Variants in CNTNAP2 observed in about 807,000 individuals in gnomAD.
CNTNAP2 encodes contactin associated protein 2.
In CNTNAP2, 98 loss-of-function variants were observed where a neutral mutation model predicts 155.2. That is an observed-to-expected ratio of 0.63 (90% CI 0.54 to 0.75). The LOEUF (loss-of-function observed/expected upper bound fraction) is 0.75, where lower values mean the gene tolerates loss of function less well. CNTNAP2 is among the 30% of genes least tolerant of loss of function. The probability of loss-of-function intolerance (pLI) is 0.00; values close to 1 mark genes in which losing one functional copy is unlikely to be tolerated. For synonymous variants in CNTNAP2, 651 were observed against 631.2 expected (o/e 1.03, Z -0.47); for missense variants, 1,727 against 1,688.1 (o/e 1.02, Z -0.40).
chr7:146,276,907 T>C (rs982579422), intron 1 of CNTNAP2, among the ~76,000 whole-genome samples: 8 of 152,204 alleles, frequency 5.3e-5, no homozygotes, highest in African/African-American at 1.7e-4. Context: ...GTGGTTTGAA[T>C]GGTGGCCCCC....
At chr7:148,370,484 C>A (rs557991456) in intron 21 of CNTNAP2, among the ~76,000 whole-genome samples, 1 of 152,298 alleles carries the variant, frequency 6.6e-6, no homozygotes, top group Non-Finnish European at 1.5e-5. Flanking sequence ...AACAAAAGGT[C>A]ATTCAACCCC....
intron 3 of CNTNAP2, among the ~76,000 whole-genome samples, chr7:146,885,002 T>C (rs924121185): frequency 6.6e-6 from 1 of 152,070 alleles, no homozygotes; most frequent in African/African-American, 2.4e-5. Context: ...TCAATGGTGG[T>C]CTAATGAAAT....
In CNTNAP2 at chr7:147,641,964, A is replaced by C. The variant is rs74747168; in HGVS notation, c.2098+2658A>C. The stretch of plus-strand genomic sequence containing the variant: ...TAGAGACCATGCTGAGAACCAGCAC[A>C]ACTCTTTTTTCTGTTCACTTTCACT... On this transcript the variant is annotated intron_variant, in intron 13 of 23. Transcript: ENST00000361727. Among the ~76,000 whole-genome samples the C allele has an allele frequency of 8.3e-3, 1,258 of 152,020 alleles. 10 individuals carry two copies. Among genetic ancestry groups the C allele is most frequent in the Non-Finnish European group, 0.014 (925 of 67,924 alleles).
At chr7:147,529,543 T>G (rs1270771949) in intron 11 of CNTNAP2, among the ~76,000 whole-genome samples, 1 of 152,168 alleles carries the variant, frequency 6.6e-6, no homozygotes, top group Admixed American at 6.5e-5. Context: ...CAATGCTGTT[T>G]TTTTTTTGGT....
At chr7:146,429,494 A>G (rs1465509562) in intron 1 of CNTNAP2, among the ~76,000 whole-genome samples, 1 of 151,986 alleles carries the variant, frequency 6.6e-6, no homozygotes, top group Non-Finnish European at 1.5e-5. Context: ...GGCAGTTGTG[A>G]ACGGGAGTTC....
chr7:148,144,055 G>A (rs1041497289), intron 16 of CNTNAP2, among the ~76,000 whole-genome samples: 5 of 152,116 alleles, frequency 3.3e-5, no homozygotes, highest in African/African-American at 1.2e-4. Flanking sequence ...GGCAAAATCC[G>A]GTTAGCTCAC....
intron 13 of CNTNAP2, among the ~76,000 whole-genome samples, chr7:147,738,113 G>A (rs28856359): frequency 0.055 from 8,424 of 152,098 alleles, 752 homozygotes; most frequent in African/African-American, 0.19. Flanking sequence ...TGTCACTTAC[G>A]CTGGGAGCTG....
chr7:148,236,658 TAAAGAAA>T (rs1236056487), intron 20 of CNTNAP2, among the ~76,000 whole-genome samples: 8 of 152,186 alleles, frequency 5.3e-5, no homozygotes, highest in African/African-American at 1.9e-4. Context: ...TGCACTGCTA[TAAAGAAA>T]TACCTGAGAC....
rs1347393125 is a variant in CNTNAP2 at position 147,981,070 on chromosome 7, G to A, written c.2383+3081G>A. ...CACACAGCCTCCTGTGAATTGGGCA[G>A]GGCAAATATTAGTCTTTCTGCCTTA... is the stretch of plus-strand genomic sequence containing the variant. On this transcript the variant is annotated intron_variant, in intron 15 of 23. Coordinates refer to ENST00000361727, the MANE Select transcript of CNTNAP2 (RefSeq NM_014141.6). Among the ~76,000 whole-genome samples the A allele has an allele frequency of 2.0e-5, 3 of 152,150 alleles. No homozygotes were observed. In the East Asian group the frequency reaches 5.8e-4, roughly 29 times the overall value.
chr7:147,225,793 A>AGGAC (rs1803514065), intron 8 of CNTNAP2, among the ~76,000 whole-genome samples: 1 of 127,984 alleles, frequency 7.8e-6, no homozygotes, highest in Admixed American at 7.6e-5. Context: ...GAAGGAAGGA[A>AGGAC]GGAAGGAAAG....
intron 1 of CNTNAP2, among the ~76,000 whole-genome samples, chr7:146,713,204 A>G (rs1243599760): frequency 6.6e-6 from 1 of 152,194 alleles, no homozygotes; most frequent in Non-Finnish European, 1.5e-5. Flanking sequence ...CAGAATGAGA[A>G]AAGGAAGCAT....
At chr7:147,903,332 T>C (rs1246890883) in intron 13 of CNTNAP2, among the ~76,000 whole-genome samples, 4 of 152,216 alleles carry the variant, frequency 2.6e-5, no homozygotes. Flanking sequence ...TGTTTTTTCT[T>C]GTTAATTCAT....
chr7:146,574,879 C>T (rs565416775), intron 1 of CNTNAP2, among the ~76,000 whole-genome samples: 1 of 152,056 alleles, frequency 6.6e-6, no homozygotes, highest in South Asian at 2.1e-4. Flanking sequence ...AGACTTTTAT[C>T]CCCACTACCA....
At chr7:147,013,990 G>T (rs1798672743) in intron 3 of CNTNAP2, among the ~76,000 whole-genome samples, 1 of 152,158 alleles carries the variant, frequency 6.6e-6, no homozygotes. Flanking sequence ...TAGCTAATTT[G>T]TCTATATTAG....
intron 3 of CNTNAP2, among the ~76,000 whole-genome samples, chr7:146,877,609 CTATA>C (rs1315656831): frequency 2.1e-5 from 3 of 143,072 alleles, no homozygotes; most frequent in Admixed American, 7.1e-5. Context: ...TGTGTGTATA[CTATA>C]TATGTGTGTG....
chr7:148,159,911 T>A (rs1167279021), intron 17 of CNTNAP2, among the ~76,000 whole-genome samples: 1 of 152,212 alleles, frequency 6.6e-6, no homozygotes, highest in Admixed American at 6.5e-5. Flanking sequence ...TATGACATTT[T>A]TTTTTAAATC....
chr7:146,895,762 T>C (rs1447278411), intron 3 of CNTNAP2, among the ~76,000 whole-genome samples: 1 of 152,056 alleles, frequency 6.6e-6, no homozygotes, highest in Non-Finnish European at 1.5e-5. Context: ...TGGGAGACCC[T>C]CAAATGGTCA....
At chr7:146,356,600 A>G (rs1300596513) in intron 1 of CNTNAP2, among the ~76,000 whole-genome samples, 1 of 152,212 alleles carries the variant, frequency 6.6e-6, no homozygotes. Context: ...TTTGAATGTG[A>G]AGTAAGATTA....
At chr7:148,069,112 C>T (rs990229953) in intron 15 of CNTNAP2, among the ~76,000 whole-genome samples, 16 of 152,126 alleles carry the variant, frequency 1.1e-4, no homozygotes, top group African/African-American at 3.9e-4. Flanking sequence ...ACTGCCCTGC[C>T]CTGCCTGATC....
Sources: allele counts gnomAD v4.1 joint callset (sites outside exome capture counted in the v4.1 genomes callset), GRCh38; gene constraint gnomAD v4.1.1; transcripts MANE v1.5; gene names NCBI Gene and HGNC (gene_info 2026-07-23, HGNC 2026-07-21).